The following MACF1 variants were observed in gnomAD, a reference collection of about 807,000 sequenced individuals.
The protein encoded by MACF1 is microtubule-actin cross-linking factor 1.
A neutral mutation model predicts 854.8 loss-of-function variants in MACF1; 193 were observed. The observed-to-expected ratio is 0.23, with a 90% CI of 0.20 to 0.25. The LOEUF is 0.25. Among genes scored for constraint, MACF1 ranks in the 10% least tolerant of loss-of-function variants. The probability of loss-of-function intolerance (pLI) is 1.00; values close to 1 mark genes in which losing one functional copy is unlikely to be tolerated. For missense variants in MACF1, 7,722 were observed against 8,929.1 expected (o/e 0.86, Z 5.45); for synonymous variants, 3,185 against 3,226.7 (o/e 0.99, Z 0.44).
intron 14 of MACF1, 58 bp from the exon 15 acceptor site, chr1:39,287,228 T>A: frequency 6.6e-7 from 1 of 1,524,036 alleles, no homozygotes; most frequent in Non-Finnish European, 8.9e-7. Flanking sequence ...AAGATTTTAT[T>A]TTTAAAAACT....
intron 50 of MACF1, among the ~76,000 whole-genome samples, chr1:39,369,328 T>C (rs546434699): frequency 6.6e-6 from 1 of 152,324 alleles, no homozygotes; most frequent in South Asian, 2.1e-4. Context: ...AGTTTAGCGA[T>C]AAATATGATC....
intron 5 of MACF1, among the ~76,000 whole-genome samples, chr1:39,256,463 A>G (rs887396241): frequency 2.0e-5 from 3 of 152,206 alleles, no homozygotes; most frequent in African/African-American, 7.2e-5. Context: ...GGGAGAAATG[A>G]GGCCTCCATT....
In MACF1 at chr1:39,388,151, T is replaced by A; in HGVS notation, c.15309T>A (p.Val5103=). The A allele has an allele frequency of 6.2e-7, 1 of 1,614,134 alleles. No homozygotes were observed. Among genetic ancestry groups the A allele is most frequent in the South Asian group, 1.1e-5 (1 of 91,082 alleles). The change falls in exon 58 of 101, where the codon GTT becomes GTA. Residue 5103 remains valine (V), a synonymous_variant. Transcript: ENST00000564288. ...TCGCCCAGCAAGAGTTCCTCGAAGT[T>A]AAGCAAAGAGTGAACAGTGGTTGTG... The part of the protein sequence containing the change: ...AEVAQQEFLE[V]KQRVNSGCVM...
Position 39,333,851 on chromosome 1 carries a change from A to G in MACF1, c.7263A>G (p.Ser2421=). The G allele has an allele frequency of 1.2e-6, 2 of 1,614,228 alleles. No homozygotes were observed. The highest frequency in any genetic ancestry group is 2.2e-5 in the East Asian group (1 of 44,888). The change falls in exon 37 of 101, where the codon TCA becomes TCG. Residue 2421 remains serine, a synonymous_variant. Coordinates refer to ENST00000564288, the MANE Select transcript of MACF1 (RefSeq NM_001394062.1). ...ATCTGAAACGAGGCAAAAAAGTTTC[A>G]GTAACTTTGGCCTCAACTCTTGGCT... ...IIDLKRGKKV[S]VTLASTLGLV... is the part of the protein sequence containing the mutation.
chr1:39,162,368 T>C (rs1334626944), intron 2 of MACF1, among the ~76,000 whole-genome samples: 1 of 152,206 alleles, frequency 6.6e-6, no homozygotes, highest in Non-Finnish European at 1.5e-5. Flanking sequence ...ACCTATGTAA[T>C]TTTACCCTTC....
intron 60 of MACF1, among the ~76,000 whole-genome samples, 187 bp downstream of exon 60, chr1:39,423,087 A>G (rs889864976): frequency 1.3e-5 from 2 of 152,224 alleles, no homozygotes; most frequent in Non-Finnish European, 2.9e-5. Flanking sequence ...TGTGGCATAT[A>G]TTAGACTGAA....
chr1:39,413,663 C>T, intron 58 of MACF1: 1 of 1,595,882 alleles, frequency 6.3e-7, no homozygotes, highest in South Asian at 1.1e-5. Flanking sequence ...CCCGCCTCCC[C>T]AGCTGCTGCA....
Position 39,332,819 on chromosome 1 carries a change from T to G in MACF1, c.6231T>G (p.Pro2077=). Residue 2077 remains proline (P), a synonymous_variant, in exon 37 of 101, where the codon CCT becomes CCG. Coordinates refer to ENST00000564288, the MANE Select transcript of MACF1 (RefSeq NM_001394062.1). ...VETEDSSVEN[P]EQDLFVEQKE... is the part of the protein sequence containing the mutation. ...CAGAAGATTCTTCTGTAGAGAACCC[T>G]GAACAGGATCTGTTTGTAGAACAAA... The G allele has an allele frequency of 6.2e-7, 1 of 1,614,110 alleles. No homozygotes were observed. Among genetic ancestry groups the G allele is most frequent in the East Asian group, 2.2e-5 (1 of 44,884 alleles).
intron 49 of MACF1, among the ~76,000 whole-genome samples, chr1:39,362,192 C>T (rs899282835): frequency 1.3e-5 from 2 of 152,156 alleles, no homozygotes; most frequent in African/African-American, 2.4e-5. Context: ...ATAGTATATG[C>T]ATATATTAAT....
Position 39,308,809 on chromosome 1 carries a change from C to T in MACF1, c.2790-761C>T, listed in dbSNP as rs562131571. On this transcript the variant is annotated intron_variant, in intron 23 of 100. Transcript: ENST00000564288. ...TAGCTGAGATTATAGGCATCTACCA[C>T]CACACCTGGCTAATTTTTGTATTTT... 3.9e-5 allele frequency among the ~76,000 whole-genome samples: 6 copies of T among 152,170 alleles called. No homozygotes were observed. The Middle Eastern group carries it at 0.014, about 345-fold the overall frequency.
chr1:39,326,503 A>T (rs1208135196), intron 35 of MACF1, among the ~76,000 whole-genome samples: 1 of 152,102 alleles, frequency 6.6e-6, no homozygotes, highest in Non-Finnish European at 1.5e-5. Context: ...CAGCATGGTG[A>T]AACCCAGTTT....
chr1:39,293,425 C>A, intron 17 of MACF1, 33 bp from the exon 18 acceptor site: 1 of 1,568,458 alleles, frequency 6.4e-7, no homozygotes, highest in Non-Finnish European at 8.7e-7. Flanking sequence ...ACAAAGGCTG[C>A]CAGTCTAATC....
chr1:39,357,501 C>T lies in MACF1; in HGVS notation c.11551C>T (p.Leu3851=). Residue 3851 remains leucine (L), a synonymous_variant, in exon 45 of 101, where the codon CTG becomes TTG. Coordinates refer to ENST00000564288, the MANE Select transcript of MACF1 (RefSeq NM_001394062.1). Reference sequence around the variant, plus strand: ...GGAGCAACAGATGCTGCAACAGAAGCTGGGAGAGCTAAAGGAACAATACTC... The same window carrying T: ...GGAGCAACAGATGCTGCAACAGAAGTTGGGAGAGCTAAAGGAACAATACTC... ...PEEQQMLQQK[L]GELKEQYSTS... 6.2e-7 allele frequency: 1 copy of T among 1,614,166 alleles called. No homozygotes were observed. Among genetic ancestry groups the T allele is most frequent in the Non-Finnish European group, 8.5e-7 (1 of 1,180,038 alleles).
Position 39,430,702 on chromosome 1 carries a change from G to A in MACF1, c.17131G>A (p.Glu5711Lys), listed in dbSNP as rs1174209026. 2 of 1,610,702 alleles carry A rather than the reference G, an allele frequency of 1.2e-6. No individual in the cohort carries two copies. The highest frequency in any genetic ancestry group is 1.7e-6 in the Non-Finnish European group (2 of 1,178,922). ...CCTGAAAACTCTTTTCCCTCCTTAGGAATTAAAGAAGGAGGTCATGGAGCA... is the reference window on the plus strand; with the variant it reads ...CCTGAAAACTCTTTTCCCTCCTTAGAAATTAAAGAAGGAGGTCATGGAGCA... ...QIPQFQQRQK[E>K]LKKEVMEHRL... is the part of the protein sequence containing the mutation. Residue 5711 changes from glutamate (E) to lysine (K), a missense_variant and splice_region_variant, in exon 66 of 101, where the codon GAA (glutamate) becomes AAA (lysine). Glu to Lys is a moderately conservative substitution (Grantham distance 56, BLOSUM62 1). Around this residue, in one of 15 missense-constraint regions of MACF1, gnomAD observed 2,807 missense variants for 3,235.8 expected, o/e 0.87. Transcript: ENST00000564288.
rs776359993 is a variant in MACF1, at chr1:39,340,940, T to C, written c.10568T>C (p.Leu3523Pro). The change falls in exon 40 of 101, where the codon CTC becomes CCC. Residue 3523 changes from leucine to proline, a missense_variant. By Grantham distance (98) the Leu-to-Pro change is moderately conservative. Around this residue, in one of 15 missense-constraint regions of MACF1, gnomAD observed 854 missense variants for 852.6 expected, o/e 1.00. Coordinates refer to ENST00000564288, the MANE Select transcript of MACF1 (RefSeq NM_001394062.1). ...GATGTTGACAGCCTGAACCTCTGCC[T>C]CCAACAGTATGAGGTAAACTCAAGC... ...EIDVDSLNLC[L>P]QQYEDLKQPM... 1.8e-5 allele frequency: 29 copies of C among 1,607,404 alleles called. No individual in the cohort carries two copies. The highest frequency in any genetic ancestry group is 2.2e-5 in the Non-Finnish European group (26 of 1,177,378).
At position 39,368,237 on chromosome 1, in the gene MACF1, G is replaced by A. The variant is rs759508242; in HGVS notation, c.12861G>A (p.Leu4287=). Residue 4287 remains leucine (L), a synonymous_variant, in exon 50 of 101, where the codon CTG becomes CTA. Coordinates refer to ENST00000564288, the MANE Select transcript of MACF1 (RefSeq NM_001394062.1). ...VTELSSCGFA[L]DLCQHQDRVQ... is the part of the protein sequence containing the mutation. ...AACTGAGCTCTTGTGGCTTTGCGCT[G>A]GACTTGTGCCAGCATCAGGACAGGG... 3 of 1,614,084 alleles carry A rather than the reference G, an allele frequency of 1.9e-6. No individual in the cohort carries two copies. The South Asian group carries it at 3.3e-5, about 18-fold the overall frequency.
intron 15 of MACF1, among the ~76,000 whole-genome samples, chr1:39,289,512 G>A (rs945258310): frequency 2.0e-5 from 3 of 151,932 alleles, no homozygotes; most frequent in Admixed American, 6.6e-5. Flanking sequence ...ACCTTTTCAC[G>A]TGCCTGTTTG....
chr1:39,302,137 C>T (rs1384427737), intron 22 of MACF1, among the ~76,000 whole-genome samples: 2 of 152,122 alleles, frequency 1.3e-5, no homozygotes, highest in Non-Finnish European at 2.9e-5. Flanking sequence ...GCTGGGACTA[C>T]AGGCATGCAC....
chr1:39,443,342 C>T (rs1478874584), intron 78 of MACF1, 104 bp from the exon 79 acceptor site: 5 of 1,286,190 alleles, frequency 3.9e-6, no homozygotes, highest in African/African-American at 3.0e-5. Flanking sequence ...AGAGAGCAGC[C>T]GAAAATTCCT....
Sources: allele counts gnomAD v4.1 joint callset (sites outside exome capture counted in the v4.1 genomes callset), GRCh38; gene constraint gnomAD v4.1.1; regional missense constraint gnomAD v4.1.1; transcripts MANE v1.5; gene names NCBI Gene and HGNC (gene_info 2026-07-23, HGNC 2026-07-21).